HMBOX1: variants seen among roughly 807,000 people sequenced by gnomAD.
HMBOX1 encodes homeobox-containing protein 1.
In HMBOX1, 14 loss-of-function variants were observed where a neutral mutation model predicts 54.5. The ratio of observed to expected loss-of-function variants is 0.26; its 90% confidence interval spans 0.17 to 0.40. The LOEUF (loss-of-function observed/expected upper bound fraction) is 0.40, where lower values mean the gene tolerates loss of function less well. Among genes scored for constraint, HMBOX1 ranks in the 10% least tolerant of loss-of-function variants. The pLI is 1.00. For synonymous variants in HMBOX1, 160 were observed against 181.0 expected (o/e 0.88, Z 0.93); for missense variants, 332 against 514.4 (o/e 0.65, Z 3.43).
intron 1 of HMBOX1, among the ~76,000 whole-genome samples, chr8:28,937,462 T>C (rs979740196): frequency 3.3e-5 from 5 of 152,168 alleles, no homozygotes; most frequent in Admixed American, 2.6e-4. Context: ...GCTCTGAAAT[T>C]TTTGTTCTTC....
intron 6 of HMBOX1, among the ~76,000 whole-genome samples, chr8:29,036,059 A>G (rs1201433595): frequency 6.6e-6 from 1 of 152,222 alleles, no homozygotes; most frequent in Non-Finnish European, 1.5e-5. Flanking sequence ...TATTGTTTCA[A>G]AAGCTCAGTA....
rs1413202073 is a variant in HMBOX1 at position 29,053,233 on chromosome 8, A to AAAAAT, written c.*2080_*2084dup. On this transcript the variant is annotated 3_prime_UTR_variant, in exon 10 of 10. Transcript: ENST00000287701. ...CTTTTGTCCATGGATTTCAGGGGGA[A>AAAAAT]AAAATATATGTACTTTTTTCAGCTT... is the stretch of plus-strand genomic sequence containing the variant. 1 of 152,156 alleles carries AAAAAT rather than the reference A, an allele frequency of 6.6e-6. No individual in the cohort carries two copies. Among genetic ancestry groups the AAAAAT allele is most frequent in the Non-Finnish European group, 1.5e-5 (1 of 68,038 alleles). The allele number at this position is 152,156 out of a possible 1,614,324, so 9.4% of individuals were successfully genotyped here.
rs567995862 is a variant in HMBOX1, at chr8:29,051,651, G to C, written c.*496G>C. On this transcript the variant is annotated 3_prime_UTR_variant, in exon 10 of 10. Transcript: ENST00000287701. ...GGAACACTAGAATCCCCACCTCAGC[G>C]TGAGGATAATTGATTTCCAGCTGCA... 5.7e-6 allele frequency: 4 copies of C among 702,090 alleles called. No homozygotes were observed. The highest frequency in any genetic ancestry group is 4.0e-5 in the Admixed American group (2 of 49,968). The allele number at this position is 702,090 out of a possible 1,614,324, so 43.5% of individuals were successfully genotyped here.
intron 1 of HMBOX1, among the ~76,000 whole-genome samples, chr8:28,962,051 G>A (rs982032475): frequency 3.8e-4 from 58 of 151,670 alleles, no homozygotes; most frequent in African/African-American, 1.4e-3. Context: ...TGGGATTACA[G>A]GTGTGAGCCA....
At chr8:29,003,084 C>CT (rs11408114) in intron 4 of HMBOX1, among the ~76,000 whole-genome samples, 16,778 of 145,096 alleles carry the variant, frequency 0.12, 990 homozygotes, top group South Asian at 0.24. Flanking sequence ...ACAGTCTTGT[C>CT]TTTTTTTTTT....
In HMBOX1 at chr8:29,052,867, C is replaced by T. The variant is rs1387816985; in HGVS notation, c.*1712C>T. 6.6e-6 allele frequency: 1 copy of T among 152,196 alleles called. No homozygotes were observed. The highest frequency in any genetic ancestry group is 1.9e-4 in the East Asian group (1 of 5,202). 9.4% of individuals were successfully genotyped at this position (152,196 alleles called of 1,614,324 possible). A position where few individuals can be genotyped will look rare whatever the true frequency, so the allele number is the denominator to read the frequency against. ...ATGTGGGGCTGGATGTTAAGCACGG[C>T]TTCTTTTTGTCCGTTACCTGAAAAC... On this transcript the variant is annotated 3_prime_UTR_variant, in exon 10 of 10. Transcript: ENST00000287701.
chr8:29,021,524 TAGG>T (rs1199550543), intron 6 of HMBOX1, among the ~76,000 whole-genome samples: 1 of 151,852 alleles, frequency 6.6e-6, no homozygotes, highest in Non-Finnish European at 1.5e-5. Context: ...GGGCTAAAGA[TAGG>T]AGAAAAAATG....
chr8:29,035,890 A>G (rs138375879), intron 6 of HMBOX1, among the ~76,000 whole-genome samples: 359 of 152,348 alleles, frequency 2.4e-3, no homozygotes, highest in African/African-American at 8.2e-3. Context: ...CCTCTAGAAA[A>G]TTATCTCCAT....
intron 1 of HMBOX1, among the ~76,000 whole-genome samples, chr8:28,944,424 TG>T (rs1432839454): frequency 1.3e-5 from 2 of 152,244 alleles, no homozygotes; most frequent in Non-Finnish European, 2.9e-5. Context: ...TCATTGATAC[TG>T]GTTAAGTATT....
chr8:28,971,029 CAT>C (rs1358344267), intron 3 of HMBOX1, among the ~76,000 whole-genome samples: 3 of 134,670 alleles, frequency 2.2e-5, no homozygotes, highest in East Asian at 4.3e-4. Flanking sequence ...CACACACACA[CAT>C]TGTCTTTTAT....
In HMBOX1 at chr8:28,995,986, G is replaced by A. The variant is rs184870452; in HGVS notation, c.587-13086G>A. Among the ~76,000 whole-genome samples the A allele has an allele frequency of 7.9e-5, 12 of 152,000 alleles. No homozygotes were observed. The East Asian group carries it at 1.4e-3, about 17-fold the overall frequency. ...CCGGGCGTGGTGGCAGGCGCCTTTAGTCCCAGCTACTTGAAAGGCTGAGGC... is the reference window on the plus strand; with the variant it reads ...CCGGGCGTGGTGGCAGGCGCCTTTAATCCCAGCTACTTGAAAGGCTGAGGC... On this transcript the variant is annotated intron_variant, in intron 4 of 9. Transcript: ENST00000287701.
At chr8:29,035,174 A>C (rs1019170901) in intron 6 of HMBOX1, among the ~76,000 whole-genome samples, 11 of 152,276 alleles carry the variant, frequency 7.2e-5, no homozygotes, top group Non-Finnish European at 1.3e-4. Context: ...CTCATTTTAG[A>C]TACAGACAAT....
chr8:28,965,809 A>G (rs1826335642), intron 2 of HMBOX1, among the ~76,000 whole-genome samples: 1 of 152,206 alleles, frequency 6.6e-6, no homozygotes, highest in Non-Finnish European at 1.5e-5. Context: ...TTTGAAGTCC[A>G]GTAGTTGTGA....
intron 6 of HMBOX1, among the ~76,000 whole-genome samples, chr8:29,044,240 TA>T (rs1273827808): frequency 1.3e-5 from 2 of 152,028 alleles, no homozygotes; most frequent in Non-Finnish European, 2.9e-5. Flanking sequence ...GCTGAAGGCA[TA>T]AGAAAGGCTG....
At chr8:28,903,840 GT>G (rs1813724555) in intron 1 of HMBOX1, among the ~76,000 whole-genome samples, 1 of 152,080 alleles carries the variant, frequency 6.6e-6, no homozygotes, top group African/African-American at 2.4e-5. Context: ...TTACAGGGCA[GT>G]GGTTTTCAAC....
intron 6 of HMBOX1, among the ~76,000 whole-genome samples, chr8:29,030,037 C>A (rs1802684085): frequency 6.6e-6 from 1 of 151,814 alleles, no homozygotes; most frequent in Non-Finnish European, 1.5e-5. Context: ...CTGTTTATTT[C>A]TTTTTCTTTT....
At chr8:28,984,118 C>T (rs1343219656) in intron 4 of HMBOX1, among the ~76,000 whole-genome samples, 1 of 152,184 alleles carries the variant, frequency 6.6e-6, no homozygotes, top group Non-Finnish European at 1.5e-5. Context: ...GCCTTCTGGT[C>T]ACCTAGAGCT....
intron 1 of HMBOX1, among the ~76,000 whole-genome samples, chr8:28,903,122 C>T (rs1410311699): frequency 2.0e-5 from 3 of 152,104 alleles, no homozygotes; most frequent in Non-Finnish European, 4.4e-5. Flanking sequence ...CACACACACA[C>T]ATACATTTAA....
chr8:28,968,639 A>C (rs1463778721), intron 2 of HMBOX1, among the ~76,000 whole-genome samples: 1 of 152,178 alleles, frequency 6.6e-6, no homozygotes, highest in East Asian at 1.9e-4. Context: ...ACTGTTAATA[A>C]AGTTTTCATG....
Sources: allele counts gnomAD v4.1 joint callset (sites outside exome capture counted in the v4.1 genomes callset), GRCh38; gene constraint gnomAD v4.1.1; transcripts MANE v1.5; gene names NCBI Gene and HGNC (gene_info 2026-07-23, HGNC 2026-07-21).